Variants in UBR3 observed in about 807,000 individuals in gnomAD.
The protein encoded by UBR3 is E3 ubiquitin-protein ligase UBR3.
A neutral mutation model predicts 243.2 loss-of-function variants in UBR3; 85 were observed. That is an observed-to-expected ratio of 0.35 (90% CI 0.29 to 0.42). The LOEUF (loss-of-function observed/expected upper bound fraction) is 0.42, where lower values mean the gene tolerates loss of function less well. Ranked by LOEUF, UBR3 falls within the 10% of genes least tolerant of loss-of-function variation. The probability of loss-of-function intolerance (pLI) is 1.00; values close to 1 mark genes in which losing one functional copy is unlikely to be tolerated. For missense variants in UBR3, 1,686 were observed against 2,300.8 expected (o/e 0.73, Z 5.47); for synonymous variants, 748 against 799.8 (o/e 0.94, Z 1.09).
chr2:169,935,890 T>C (rs2086309024), intron 19 of UBR3, among the ~76,000 whole-genome samples: 1 of 152,240 alleles, frequency 6.6e-6, no homozygotes, highest in Non-Finnish European at 1.5e-5. Context: ...ATTTAGTGGC[T>C]ACTGCTTAAA....
intron 14 of UBR3, 132 bp downstream of exon 14, chr2:169,925,879 A>G (rs967207298): frequency 3.4e-6 from 3 of 890,482 alleles, no homozygotes; most frequent in Non-Finnish European, 4.7e-6. Context: ...TTTTACTTAC[A>G]TTTCCCAGGA....
At chr2:170,016,792 A>T in intron 30 of UBR3, 1 of 447,262 alleles carries the variant, frequency 2.2e-6, no homozygotes, top group Non-Finnish European at 3.2e-6. Context: ...TAATTACCAG[A>T]GTCAATTTTG....
rs556405762 is a variant in UBR3, at chr2:169,862,215, T to A, written c.546-10021T>A. Among the ~76,000 whole-genome samples, 11 of 151,154 alleles carry A rather than the reference T, an allele frequency of 7.3e-5. No homozygotes were observed. The South Asian group carries it at 2.3e-3, about 32-fold the overall frequency. Reference sequence around the variant, plus strand: ...ATTTAAAATTTTTAGTTTTCATAAATTTTTTTTTTCTGGTACCTTAGGGCC... The same window carrying A: ...ATTTAAAATTTTTAGTTTTCATAAAATTTTTTTTTCTGGTACCTTAGGGCC... On this transcript the variant is annotated intron_variant, in intron 1 of 38. Coordinates refer to ENST00000272793, the MANE Select transcript of UBR3 (RefSeq NM_172070.4).
chr2:169,890,250 G>A (rs1030168291), intron 5 of UBR3, among the ~76,000 whole-genome samples: 1 of 152,034 alleles, frequency 6.6e-6, no homozygotes, highest in Non-Finnish European at 1.5e-5. Flanking sequence ...CTTTTACCTT[G>A]GTTTTACAAG....
chr2:169,979,628 C>T (rs1463062064), intron 24 of UBR3, among the ~76,000 whole-genome samples: 1 of 152,122 alleles, frequency 6.6e-6, no homozygotes, highest in Non-Finnish European at 1.5e-5. Flanking sequence ...ATACATACCG[C>T]TTAGTGAAAG....
At chr2:169,902,519 C>A (rs1042834821) in intron 8 of UBR3, among the ~76,000 whole-genome samples, 5 of 144,404 alleles carry the variant, frequency 3.5e-5, no homozygotes, top group Non-Finnish European at 6.2e-5. Context: ...GCGTATAGCA[C>A]CATCTGCTCC....
chr2:169,914,077 C>T lies in UBR3; in HGVS notation c.1797C>T (p.Thr599=). 6.7e-7 allele frequency: 1 copy of T among 1,492,364 alleles called. No homozygotes were observed. Among genetic ancestry groups the T allele is most frequent in the Non-Finnish European group, 8.9e-7 (1 of 1,118,210 alleles). The allele number at this position is 1,492,364 out of a possible 1,614,324, so 92.4% of individuals were successfully genotyped here. A position where few individuals can be genotyped will look rare whatever the true frequency, so the allele number is the denominator to read the frequency against. Residue 599 remains threonine, a synonymous_variant, in exon 11 of 39, where the codon ACC becomes ACT. Transcript: ENST00000272793. ...TATTTTAGGAAACTCAAGAGTATAC[C>T]CGAAATGTTGTTAGATATTGCCTTG... The part of the protein sequence containing the change: ...HCKVRETQEY[T]RNVVRYCLEA...
intron 24 of UBR3, among the ~76,000 whole-genome samples, chr2:169,984,899 G>A (rs2088925604): frequency 6.6e-6 from 1 of 152,040 alleles, no homozygotes; most frequent in Non-Finnish European, 1.5e-5. Flanking sequence ...CACCATTGAA[G>A]ATTGTCATTG....
intron 5 of UBR3, among the ~76,000 whole-genome samples, chr2:169,884,354 G>A (rs954932790): frequency 6.6e-6 from 1 of 151,906 alleles, no homozygotes; most frequent in African/African-American, 2.4e-5. Flanking sequence ...GGGTTTTTCC[G>A]TGTTAGCCAG....
rs77911837 is a variant in UBR3, at chr2:169,865,818, C to G, written c.546-6418C>G. Among the ~76,000 whole-genome samples, 1,472 of 152,284 alleles carry G rather than the reference C, an allele frequency of 9.7e-3. 18 individuals carry two copies. The highest frequency in any genetic ancestry group is 0.034 in the African/African-American group (1,393 of 41,554). ...GTTGTCTTTGATCACAACTAGCTCT[C>G]TAATCTGTCACACAGGCCAGATTCT... On this transcript the variant is annotated intron_variant, in intron 1 of 38. Transcript: ENST00000272793.
intron 1 of UBR3, among the ~76,000 whole-genome samples, chr2:169,846,141 T>C (rs2082471338): frequency 6.6e-6 from 1 of 152,172 alleles, no homozygotes; most frequent in African/African-American, 2.4e-5. Flanking sequence ...TTTTCTTCAT[T>C]ACTGAGAATG....
chr2:169,933,925 A>G (rs749354789), intron 19 of UBR3, among the ~76,000 whole-genome samples: 128 of 152,184 alleles, frequency 8.4e-4, no homozygotes, highest in Non-Finnish European at 6.2e-4. Context: ...AGCCATCGGC[A>G]TCTCTCTCTC....
rs186864915 is a variant in UBR3, at chr2:169,929,509, G to C, written c.2566+641G>C. Among the ~76,000 whole-genome samples the C allele has an allele frequency of 8.5e-5, 13 of 152,218 alleles. No individual in the cohort carries two copies. The East Asian group carries it at 2.5e-3, about 29-fold the overall frequency. On this transcript the variant is annotated intron_variant, in intron 18 of 38. Coordinates refer to ENST00000272793, the MANE Select transcript of UBR3 (RefSeq NM_172070.4). ...GAGAATCACTTGAACCCAGGAGGTGGAGGTTATAGTGAGACCCTATCGTGG... is the reference window on the plus strand; with the variant it reads ...GAGAATCACTTGAACCCAGGAGGTGCAGGTTATAGTGAGACCCTATCGTGG...
intron 11 of UBR3, among the ~76,000 whole-genome samples, chr2:169,916,006 C>G (rs994600823): frequency 1.3e-5 from 2 of 152,058 alleles, no homozygotes; most frequent in African/African-American, 4.8e-5. Flanking sequence ...GTTTCCCCAC[C>G]CATTTCTGGA....
intron 30 of UBR3, among the ~76,000 whole-genome samples, chr2:170,027,081 C>G (rs1321568982): frequency 6.6e-6 from 1 of 151,634 alleles, no homozygotes; most frequent in Non-Finnish European, 1.5e-5. Flanking sequence ...ATCATAAACC[C>G]CCCAAAAAGT....
intron 20 of UBR3, 104 bp downstream of exon 20, chr2:169,942,738 G>A: frequency 8.8e-7 from 1 of 1,140,414 alleles, no homozygotes; most frequent in Non-Finnish European, 1.2e-6. Context: ...AAAGCAAAGT[G>A]TATTTATGCA....
intron 2 of UBR3, among the ~76,000 whole-genome samples, chr2:169,873,297 A>G (rs914452572): frequency 1.3e-5 from 2 of 152,190 alleles, no homozygotes; most frequent in Non-Finnish European, 2.9e-5. Flanking sequence ...AAACCATTAT[A>G]CTTCCTTATT....
intron 33 of UBR3, among the ~76,000 whole-genome samples, chr2:170,057,912 T>C (rs1197360356): frequency 6.6e-6 from 1 of 152,160 alleles, no homozygotes; most frequent in Non-Finnish European, 1.5e-5. Flanking sequence ...TTTTCTATAA[T>C]AGACATAAAC....
intron 25 of UBR3, among the ~76,000 whole-genome samples, chr2:169,991,891 A>T (rs2089291542): frequency 6.6e-6 from 1 of 152,124 alleles, no homozygotes; most frequent in African/African-American, 2.4e-5. Flanking sequence ...CTAAAACAAC[A>T]TACTCTTAAA....
Sources: allele counts gnomAD v4.1 joint callset (sites outside exome capture counted in the v4.1 genomes callset), GRCh38; gene constraint gnomAD v4.1.1; transcripts MANE v1.5; gene names NCBI Gene and HGNC (gene_info 2026-07-23, HGNC 2026-07-21).